Variants in CFAP46 observed in about 807,000 individuals in gnomAD.
CFAP46 encodes the protein cilia and flagella associated protein 46, also known as cilia- and flagella-associated protein 46.
Under a neutral mutation model 325.7 loss-of-function variants are expected in CFAP46, and 245 were observed. That is an observed-to-expected ratio of 0.75 (90% CI 0.68 to 0.84). CFAP46 has a LOEUF of 0.84. Ranked by LOEUF, CFAP46 falls within the 40% of genes least tolerant of loss-of-function variation. The probability of loss-of-function intolerance (pLI) is 0.00; values close to 1 mark genes in which losing one functional copy is unlikely to be tolerated. For missense variants in CFAP46, 3,346 were observed against 3,543.0 expected, an observed-to-expected ratio of 0.94 and a Z score of 1.41; for synonymous variants, 1,523 against 1,495.9, an observed-to-expected ratio of 1.02 and a Z score of -0.42.
intron 13 of CFAP46, 98 bp downstream of exon 13, chr10:132,922,006 G>A (rs1376646996): frequency 1.4e-6 from 2 of 1,399,876 alleles, no homozygotes; most frequent in Non-Finnish European, 1.9e-6. Flanking sequence ...CCAGGGGGCG[G>A]TGGCAGGGAG....
At chr10:132,910,395 G>A (rs896951274) in intron 19 of CFAP46, among the ~76,000 whole-genome samples, 1 of 152,238 alleles carries the variant, frequency 6.6e-6, no homozygotes, top group African/African-American at 2.4e-5. Flanking sequence ...GTATCGGTTG[G>A]GGGTGGGGCA....
At position 132,811,895 on chromosome 10, in the gene CFAP46, C is replaced by T. The variant is rs564944402; in HGVS notation, c.7502-864G>A. ...AGGACAAGTGTCCACACACCTGCTC[C>T]GCTCCATCAACAGGGCCCACACCCC... is the stretch of plus-strand genomic sequence containing the variant. On this transcript the variant is annotated intron_variant, in intron 55 of 57. Coordinates refer to ENST00000368586, the MANE Select transcript of CFAP46 (RefSeq NM_001200049.3). Among the ~76,000 whole-genome samples the T allele has an allele frequency of 1.5e-3, 231 of 152,326 alleles. 3 individuals are homozygous for T. The highest frequency in any genetic ancestry group is 1.9e-3 in the Non-Finnish European group (132 of 68,004).
In CFAP46 at chr10:132,940,911, T is replaced by A. The variant is rs1850087972; in HGVS notation, c.371+85A>T. On this transcript the variant is annotated intron_variant, in intron 4 of 57. Transcript: ENST00000368586. ...CACAAACGAGGGGAAACCCCACAGT[T>A]CAAATAAATACACCCACTTGATAAG... 4 of 1,350,276 alleles carry A rather than the reference T, an allele frequency of 3.0e-6. No homozygotes were observed. In the South Asian group the frequency reaches 4.7e-5, roughly 16 times the overall value. The allele number at this position is 1,350,276 out of a possible 1,614,324, so 83.6% of individuals were successfully genotyped here.
intron 17 of CFAP46, among the ~76,000 whole-genome samples, 181 bp downstream of exon 17, chr10:132,916,368 G>A (rs1394231043): frequency 4.6e-5 from 7 of 152,192 alleles, no homozygotes; most frequent in African/African-American, 2.4e-5. Context: ...GAGAGGCCAC[G>A]TCACCCCATT....
At chr10:132,821,382 A>G (rs1383568783) in intron 50 of CFAP46, among the ~76,000 whole-genome samples, 52 of 60,448 alleles carry the variant, frequency 8.6e-4, no homozygotes, top group East Asian at 2.4e-3. Context: ...CTGTGTGTGC[A>G]CTGATGTGTG....
intron 50 of CFAP46, among the ~76,000 whole-genome samples, chr10:132,821,853 A>ATGTGTGCTG (rs1372927370): frequency 9.2e-6 from 1 of 109,214 alleles, no homozygotes; most frequent in East Asian, 3.0e-4. Context: ...GTGAGCGCTG[A>ATGTGTGCTG]TGTGTGCTGT....
intron 55 of CFAP46, among the ~76,000 whole-genome samples, chr10:132,811,410 C>T (rs963222014): frequency 3.3e-5 from 5 of 152,314 alleles, no homozygotes; most frequent in African/African-American, 9.6e-5. Flanking sequence ...TCCCCAAGGA[C>T]GGAGGGACAG....
At chr10:132,834,963 AC>A in intron 47 of CFAP46, among the ~76,000 whole-genome samples, 188 bp from the exon 48 acceptor site, 1 of 152,138 alleles carries the variant, frequency 6.6e-6, no homozygotes, top group African/African-American at 2.4e-5. Flanking sequence ...TCACCCTGAG[AC>A]CCCAGCCCCC....
intron 22 of CFAP46, 135 bp downstream of exon 22, chr10:132,908,333 G>A (rs993521035): frequency 4.6e-5 from 49 of 1,059,662 alleles, no homozygotes; most frequent in South Asian, 6.3e-5. Context: ...CTGTGATCGC[G>A]GCCCAGGCCC....
intron 19 of CFAP46, among the ~76,000 whole-genome samples, chr10:132,911,053 C>A (rs1849533690): frequency 6.6e-6 from 1 of 152,234 alleles, no homozygotes; most frequent in South Asian, 2.1e-4. Flanking sequence ...GAGGGAAGCT[C>A]CTCTGCACCC....
rs1325643499 is a variant in CFAP46, at chr10:132,884,191, A to C, written c.3627+912T>G. Among the ~76,000 whole-genome samples the C allele has an allele frequency of 6.6e-6, 1 of 152,122 alleles. No individual in the cohort carries two copies. The highest frequency in any genetic ancestry group is 1.9e-4 in the East Asian group (1 of 5,176). On this transcript the variant is annotated intron_variant, in intron 27 of 57. Coordinates refer to ENST00000368586, the MANE Select transcript of CFAP46 (RefSeq NM_001200049.3). The surrounding 1 kb of genome is among the most constrained non-coding windows in gnomAD (Gnocchi z 5.4). ...TCCCTGCCTGATACCCGCGAACCCT[A>C]GCAGGGCAACTGCCGAGGAACGACG...
chr10:132,824,221 G>A (rs1426128987), intron 50 of CFAP46, among the ~76,000 whole-genome samples: 73 of 138,340 alleles, frequency 5.3e-4, no homozygotes, highest in Non-Finnish European at 7.0e-4. Context: ...TGTGTGTGCT[G>A]TGTGTTGTGT....
chr10:132,936,615 T>TCGGCA, intron 7 of CFAP46, among the ~76,000 whole-genome samples: 1 of 132,224 alleles, frequency 7.6e-6, no homozygotes, highest in African/African-American at 2.9e-5. Context: ...CTCACTCCCC[T>TCGGCA]TGGCATCCAA....
chr10:132,877,086 C>T lies in CFAP46; in HGVS notation c.4213-125G>A. The stretch of plus-strand genomic sequence containing the variant: ...CCTGGGCAGCCGGCATCCTCCCCAC[C>T]ACCAGGTCCCAGCGAGTGCCCAGAT... On this transcript the variant is annotated intron_variant, in intron 30 of 57. Coordinates refer to ENST00000368586, the MANE Select transcript of CFAP46 (RefSeq NM_001200049.3). This position sits in a 1 kb window ranked among gnomAD's most constrained non-coding sequence, Gnocchi z 5.7. 2 of 907,000 alleles carry T rather than the reference C, an allele frequency of 2.2e-6. No individual in the cohort carries two copies. The highest frequency in any genetic ancestry group is 1.7e-6 in the Non-Finnish European group (1 of 603,342). The allele number at this position is 907,000 out of a possible 1,614,324, so 56.2% of individuals were successfully genotyped here. A position where few individuals can be genotyped will look rare whatever the true frequency, so the allele number is the denominator to read the frequency against.
At chr10:132,810,826 C>T in intron 56 of CFAP46, 124 bp downstream of exon 56, 1 of 902,356 alleles carries the variant, frequency 1.1e-6, no homozygotes, top group South Asian at 1.4e-5. Context: ...CATGTGCACC[C>T]TGACAGCTCT....
At chr10:132,941,924 G>A (rs1850109446) in intron 2 of CFAP46, 56 bp downstream of exon 2, 2 of 1,544,908 alleles carry the variant, frequency 1.3e-6, no homozygotes, top group East Asian at 4.9e-5. Context: ...CACACCCAGA[G>A]GCCCTCCCTC....
intron 24 of CFAP46, among the ~76,000 whole-genome samples, chr10:132,893,755 A>G (rs1849284878): frequency 6.6e-6 from 1 of 152,222 alleles, no homozygotes; most frequent in Non-Finnish European, 1.5e-5. Flanking sequence ...CCTGTTCTAA[A>G]GCTCTTTGAT....
chr10:132,898,953 G>A lies in CFAP46; in HGVS notation c.3219+6C>T, dbSNP rs960624555. 1 of 1,550,532 alleles carries A rather than the reference G, an allele frequency of 6.4e-7. No individual in the cohort carries two copies. Among genetic ancestry groups the A allele is most frequent in the Non-Finnish European group, 8.7e-7 (1 of 1,146,978 alleles). On this transcript the variant is annotated splice_donor_region_variant and intron_variant, in intron 24 of 57. Coordinates refer to ENST00000368586, the MANE Select transcript of CFAP46 (RefSeq NM_001200049.3). ...GAGTCAGGAGCCCCCTCCAGGGCTGGTGCACCTGCTTTCTGGCCTCTGTCT... is the reference window on the plus strand; with the variant it reads ...GAGTCAGGAGCCCCCTCCAGGGCTGATGCACCTGCTTTCTGGCCTCTGTCT...
chr10:132,935,011 G>C (rs1423016657), intron 7 of CFAP46, 149 bp from the exon 8 acceptor site: 2 of 658,272 alleles, frequency 3.0e-6, no homozygotes, highest in African/African-American at 3.7e-5. Flanking sequence ...TCAAATTCCT[G>C]AGATGACTTT....
Sources: allele counts gnomAD v4.1 joint callset (sites outside exome capture counted in the v4.1 genomes callset), GRCh38; gene constraint gnomAD v4.1.1; non-coding constraint Gnocchi (gnomAD v3.1); transcripts MANE v1.5; gene names NCBI Gene and HGNC (gene_info 2026-07-23, HGNC 2026-07-21).